Variants in PCDH15 observed in about 807,000 individuals in gnomAD.
PCDH15 encodes the protein protocadherin related 15, also known as protocadherin-15.
PCDH15 carries 129 observed loss-of-function variants against 178.5 expected under a neutral mutation model. That is an observed-to-expected ratio of 0.72 (90% confidence interval 0.63 to 0.84). The LOEUF is 0.84. Ranked by LOEUF, PCDH15 falls within the 40% of genes least tolerant of loss-of-function variation. The pLI is 0.00. For missense variants in PCDH15, 2,230 were observed against 2,099.9 expected, an observed-to-expected ratio of 1.06 and a Z score of -1.21; for synonymous variants, 800 against 732.0, an observed-to-expected ratio of 1.09 and a Z score of -1.50.
At chr10:55,362,911 T>C (rs148269836) in intron 2 of PCDH15, among the ~76,000 whole-genome samples, 637 of 152,264 alleles carry the variant, frequency 4.2e-3, no homozygotes, top group Non-Finnish European at 7.3e-3. Context: ...GGAAGAAGAA[T>C]TGTCTTGGGC....
intron 3 of PCDH15, among the ~76,000 whole-genome samples, chr10:54,409,853 C>T (rs1213555893): frequency 1.3e-5 from 2 of 152,000 alleles, no homozygotes; most frequent in Non-Finnish European, 2.9e-5. Context: ...GGTGCTCTTG[C>T]CCTCTCACTA....
At chr10:54,234,145 T>TGTGTGTGTGTGC (rs2054375310) in intron 9 of PCDH15, among the ~76,000 whole-genome samples, 1 of 150,948 alleles carries the variant, frequency 6.6e-6, no homozygotes, top group Admixed American at 6.6e-5. Flanking sequence ...TGTGTGTGTG[T>TGTGTGTGTGTGC]GTGTGTGTGT....
intron 1 of PCDH15, among the ~76,000 whole-genome samples, chr10:54,678,268 A>C (rs998466385): frequency 1.3e-5 from 2 of 152,202 alleles, no homozygotes; most frequent in African/African-American, 4.8e-5. Flanking sequence ...CACAAAGTTC[A>C]TTCTTGCCTC....
chr10:55,589,748 C>A (rs1354196371), intron 2 of PCDH15, among the ~76,000 whole-genome samples: 1 of 149,534 alleles, frequency 6.7e-6, no homozygotes, highest in Non-Finnish European at 1.5e-5. Context: ...AAATGCAAAT[C>A]AAAACCACAA....
chr10:55,185,135 A>C (rs906938358), intron 1 of PCDH15, among the ~76,000 whole-genome samples: 12 of 151,984 alleles, frequency 7.9e-5, no homozygotes, highest in African/African-American at 2.6e-4. Context: ...CACATTAAGA[A>C]ACCAATAAAC....
intron 5 of PCDH15, among the ~76,000 whole-genome samples, chr10:54,366,941 T>G (rs1478351100): frequency 6.6e-6 from 1 of 152,110 alleles, no homozygotes; most frequent in African/African-American, 2.4e-5. Context: ...CTCAAAATAA[T>G]GTTTAAGATC....
intron 3 of PCDH15, among the ~76,000 whole-genome samples, chr10:54,499,018 T>G (rs968400457): frequency 6.6e-6 from 1 of 151,996 alleles, no homozygotes; most frequent in African/African-American, 2.4e-5. Context: ...AAGGGAGAAA[T>G]CCGCTCCCAT....
chr10:53,901,770 A>AC (rs2082351533), intron 26 of PCDH15, among the ~76,000 whole-genome samples: 2 of 152,136 alleles, frequency 1.3e-5, no homozygotes, highest in African/African-American at 4.8e-5. Flanking sequence ...CTGCTCACTT[A>AC]AGAATCCATG....
At chr10:54,185,083 A>G (rs760283785) in intron 12 of PCDH15, 51 bp downstream of exon 12, 29 of 1,593,554 alleles carry the variant, frequency 1.8e-5, no homozygotes, top group Non-Finnish European at 2.5e-5. Flanking sequence ...ATACAAACAT[A>G]CATACATACA....
chr10:55,564,697 G>A (rs1219664640), intron 2 of PCDH15, among the ~76,000 whole-genome samples: 1 of 151,520 alleles, frequency 6.6e-6, no homozygotes, highest in East Asian at 1.9e-4. Context: ...AACCATAAGA[G>A]TACTGGGGTG....
chr10:54,551,727 CT>C (rs2086641359), intron 2 of PCDH15, among the ~76,000 whole-genome samples: 1 of 151,846 alleles, frequency 6.6e-6, no homozygotes, highest in South Asian at 2.1e-4. Flanking sequence ...TTTAAAAGAA[CT>C]TTCATCTCTA....
intron 21 of PCDH15, among the ~76,000 whole-genome samples, chr10:53,969,808 T>G (rs971535101): frequency 2.0e-5 from 3 of 152,150 alleles, no homozygotes; most frequent in Non-Finnish European, 2.9e-5. Flanking sequence ...AAACAAATGC[T>G]GAGATATTTT....
chr10:53,980,929 ATAT>A (rs952626472), intron 21 of PCDH15, among the ~76,000 whole-genome samples: 8 of 152,168 alleles, frequency 5.3e-5, no homozygotes, highest in African/African-American at 1.9e-4. Context: ...ACTTATTTAA[ATAT>A]TATGTGGTTT....
chr10:54,300,884 G>C (rs899919569), intron 8 of PCDH15, among the ~76,000 whole-genome samples: 1 of 152,174 alleles, frequency 6.6e-6, no homozygotes, highest in African/African-American at 2.4e-5. Context: ...CTGGCCACCT[G>C]AGCTGGCAGC....
intron 14 of PCDH15, among the ~76,000 whole-genome samples, chr10:54,146,472 A>T (rs1029697853): frequency 1.3e-5 from 2 of 151,928 alleles, no homozygotes; most frequent in African/African-American, 4.8e-5. Context: ...ACTTAATTTA[A>T]TTGGATAACG....
At chr10:54,740,556 CA>C (rs1212371436) in intron 1 of PCDH15, among the ~76,000 whole-genome samples, 1 of 151,704 alleles carries the variant, frequency 6.6e-6, no homozygotes, top group African/African-American at 2.4e-5. Context: ...TCAGAATATC[CA>C]CAAAAAATCT....
intron 2 of PCDH15, among the ~76,000 whole-genome samples, chr10:54,923,013 A>T (rs887795999): frequency 1.4e-5 from 2 of 140,638 alleles, no homozygotes; most frequent in African/African-American, 2.5e-5. Context: ...CCTGCCACAG[A>T]CTTCTGCCTA....
chr10:54,471,332 G>A (rs1006037820), intron 3 of PCDH15, among the ~76,000 whole-genome samples: 1 of 152,082 alleles, frequency 6.6e-6, no homozygotes. Flanking sequence ...CATATAAGTG[G>A]ATGCACAAAG....
intron 3 of PCDH15, among the ~76,000 whole-genome samples, chr10:54,830,604 G>A (rs1188392311): frequency 6.6e-6 from 1 of 151,890 alleles, no homozygotes; most frequent in Non-Finnish European, 1.5e-5. Context: ...GTAGGGGGGA[G>A]GGATAGCATT....
Sources: allele counts gnomAD v4.1 joint callset (sites outside exome capture counted in the v4.1 genomes callset), GRCh38; gene constraint gnomAD v4.1.1; transcripts MANE v1.5; gene names NCBI Gene and HGNC (gene_info 2026-07-23, HGNC 2026-07-21).